The following UGT2B4 variants were observed in gnomAD, a reference collection of about 807,000 sequenced individuals.
UGT2B4 encodes the protein UDP glucuronosyltransferase family 2 member B4, also known as UDP-glucuronosyltransferase 2B4.
A neutral mutation model predicts 49.8 loss-of-function variants in UGT2B4; 49 were observed. The ratio of observed to expected loss-of-function variants is 0.98; its 90% confidence interval spans 0.78 to 1.25. The LOEUF (loss-of-function observed/expected upper bound fraction) is 1.25. Among genes scored for constraint, UGT2B4 ranks in the 50% most tolerant of loss-of-function variants. The pLI is 0.00. For missense variants in UGT2B4, 729 were observed against 627.7 expected (o/e 1.16, Z -1.73); for synonymous variants, 246 against 217.7 (o/e 1.13, Z -1.14).
intron 4 of UGT2B4, 78 bp from the exon 5 acceptor site, chr4:69,485,505 C>A (rs369757545): frequency 1.1e-5 from 17 of 1,575,212 alleles, no homozygotes; most frequent in African/African-American, 5.4e-5. Context: ...CTGAATGTGA[C>A]GGTGTTTCCT....
chr4:69,511,093 G>A (rs1728593234), intron 1 of UGT2B4, among the ~76,000 whole-genome samples: 1 of 148,734 alleles, frequency 6.7e-6, no homozygotes, highest in Admixed American at 6.8e-5. Context: ...CCAGGTTCAA[G>A]CAATTCTCCT....
intron 5 of UGT2B4, among the ~76,000 whole-genome samples, chr4:69,481,393 C>A (rs891175727): frequency 5.3e-5 from 8 of 152,146 alleles, no homozygotes; most frequent in Admixed American, 3.3e-4. Context: ...TAATTTGAGT[C>A]ATCATAGAAA....
At chr4:69,482,947 G>C (rs1577878651) in intron 5 of UGT2B4, among the ~76,000 whole-genome samples, 1 of 151,872 alleles carries the variant, frequency 6.6e-6, no homozygotes, top group South Asian at 2.1e-4. Flanking sequence ...GAATACCACA[G>C]ATTATCTTTT....
intron 1 of UGT2B4, among the ~76,000 whole-genome samples, chr4:69,522,362 A>C (rs1408288365): frequency 2.6e-5 from 4 of 152,198 alleles, no homozygotes; most frequent in African/African-American, 9.6e-5. Flanking sequence ...ACAAACATGA[A>C]AAATCTACAG....
chr4:69,490,479 C>G (rs1046149155), intron 2 of UGT2B4, among the ~76,000 whole-genome samples: 2 of 152,094 alleles, frequency 1.3e-5, no homozygotes, highest in African/African-American at 4.8e-5. Context: ...TTTGGTCACC[C>G]TCTTGAGTAG....
chr4:69,508,764 A>G (rs1448220996), intron 1 of UGT2B4, among the ~76,000 whole-genome samples: 2 of 152,146 alleles, frequency 1.3e-5, no homozygotes, highest in African/African-American at 4.8e-5. Context: ...ACTAGGCTTA[A>G]TACCCGGCTG....
intron 3 of UGT2B4, among the ~76,000 whole-genome samples, chr4:69,488,622 G>C (rs1727865843): frequency 6.6e-6 from 1 of 151,844 alleles, no homozygotes. Context: ...CCCCTGCCTG[G>C]CTTCCTTCTG....
intron 1 of UGT2B4, among the ~76,000 whole-genome samples, chr4:69,502,149 C>CTTTCTTTCTTTCTTTCTTTCTCTT (rs1327985495): frequency 3.1e-5 from 2 of 64,198 alleles, no homozygotes; most frequent in Non-Finnish European, 6.0e-5. Context: ...TTCTTTCTTT[C>CTTTCTTTCTTTCTTTCTTTCTCTT]TCTTTCTTTC....
chr4:69,507,650 A>T (rs1728508737), intron 1 of UGT2B4, among the ~76,000 whole-genome samples: 1 of 152,156 alleles, frequency 6.6e-6, no homozygotes, highest in Admixed American at 6.6e-5. Context: ...TACTGTACAA[A>T]GCCATATGTA....
chr4:69,489,151 TCTTA>T (rs1483773218), intron 3 of UGT2B4, among the ~76,000 whole-genome samples: 1 of 152,076 alleles, frequency 6.6e-6, no homozygotes, highest in Non-Finnish European at 1.5e-5. Flanking sequence ...TGGTGATAGC[TCTTA>T]CCTGACCCCA....
intron 1 of UGT2B4, among the ~76,000 whole-genome samples, chr4:69,501,263 G>A (rs1310876310): frequency 2.0e-5 from 3 of 151,752 alleles, no homozygotes; most frequent in Non-Finnish European, 4.4e-5. Context: ...CGGGTGGAAG[G>A]AATCCCTCAG....
chr4:69,487,237 T>C (rs1305996016), intron 3 of UGT2B4, among the ~76,000 whole-genome samples: 1 of 152,150 alleles, frequency 6.6e-6, no homozygotes, highest in African/African-American at 2.4e-5. Context: ...TGGGTATGTA[T>C]CTAAAGGACT....
At chr4:69,520,146 T>A (rs967988162) in intron 1 of UGT2B4, among the ~76,000 whole-genome samples, 3 of 152,198 alleles carry the variant, frequency 2.0e-5, no homozygotes, top group Admixed American at 6.5e-5. Context: ...ATATATCACA[T>A]ATATTTTTCA....
In UGT2B4 at chr4:69,495,825, G is replaced by A. The variant is rs748490065; in HGVS notation, c.37C>T (p.Gln13Ter). 1.2e-6 allele frequency: 2 copies of A among 1,607,694 alleles called. No individual in the cohort carries two copies. The highest frequency in any genetic ancestry group is 2.2e-5 in the East Asian group (1 of 44,844). Residue 13 changes from glutamine (Q) to a stop codon, truncating the protein, a stop_gained, in exon 1 of 6, where the codon CAG (glutamine) becomes TAG (stop). Transcript: ENST00000305107. LOFTEE classifies it high-confidence loss of function. ...MKWTSALLLI[Q>*]LSCYFSSGSC... Reference sequence around the variant, plus strand: ...CCAGAGCTAAAGTAACAGCTCAGCTGTATCAGCAGAAGAGCTGAAGTCCAT... The same window carrying A: ...CCAGAGCTAAAGTAACAGCTCAGCTATATCAGCAGAAGAGCTGAAGTCCAT...
At chr4:69,520,727 G>C (rs1360273891) in intron 1 of UGT2B4, among the ~76,000 whole-genome samples, 1 of 152,136 alleles carries the variant, frequency 6.6e-6, no homozygotes, top group Non-Finnish European at 1.5e-5. Context: ...CAGGAAGGCA[G>C]CTAAATGGGG....
In UGT2B4 at chr4:69,480,420, T is replaced by A; in HGVS notation, c.*214A>T. ...TTCAATATAACCTCATATGGCTTTATATCATTTTTGTTTTCCCTAATGTTT... is the reference window on the plus strand; with the variant it reads ...TTCAATATAACCTCATATGGCTTTAAATCATTTTTGTTTTCCCTAATGTTT... On this transcript the variant is annotated 3_prime_UTR_variant, in exon 6 of 6. Coordinates refer to ENST00000305107, the MANE Select transcript of UGT2B4 (RefSeq NM_021139.3). 1 of 591,074 alleles carries A rather than the reference T, an allele frequency of 1.7e-6. No individual in the cohort carries two copies. The highest frequency in any genetic ancestry group is 2.8e-6 in the Non-Finnish European group (1 of 356,068). 36.6% of individuals were successfully genotyped at this position (591,074 alleles called of 1,614,324 possible).
chr4:69,500,553 A>C (rs1728276487), upstream of UGT2B4, among the ~76,000 whole-genome samples: 2 of 148,216 alleles, frequency 1.3e-5, no homozygotes, highest in African/African-American at 2.5e-5. Context: ...GAAAGACAAG[A>C]AAGAAAGCAA....
At chr4:69,500,621 GAAAGAAAGAAAGAAAGA>G (rs1728287353), upstream of UGT2B4, among the ~76,000 whole-genome samples, 7 of 124,242 alleles carry the variant, frequency 5.6e-5, no homozygotes, top group African/African-American at 2.0e-4. Context: ...AAGAAAGAAA[GAAAGAAAGAAAGAAAGA>G]AAGAAAGAAA....
chr4:69,521,758 T>C (rs1293263569), intron 1 of UGT2B4, among the ~76,000 whole-genome samples: 2 of 152,228 alleles, frequency 1.3e-5, no homozygotes, highest in African/African-American at 4.8e-5. Flanking sequence ...GGTGAAGCGA[T>C]ATCCCGAGGA....
Sources: gnomAD v4.1 joint callset for allele counts (sites outside exome capture counted in the v4.1 genomes callset) on GRCh38, gnomAD v4.1.1 for gene constraint, MANE v1.5 for transcripts, NCBI Gene and HGNC (gene_info 2026-07-23, HGNC 2026-07-21) for gene names.